Variants in NGRN observed in about 807,000 individuals in gnomAD.
NGRN encodes the protein neugrin.
In NGRN, 12 loss-of-function variants were observed where a neutral mutation model predicts 13.1. The observed-to-expected ratio is 0.92, with a 90% CI of 0.59 to 1.49. NGRN has a LOEUF of 1.49. NGRN is among the 40% of genes most tolerant of loss of function. The pLI, the probability that NGRN is intolerant of heterozygous loss-of-function variation, is 0.00. For missense variants in NGRN, 397 were observed against 357.0 expected, an observed-to-expected ratio of 1.11 and a Z score of -0.90; for synonymous variants, 149 against 145.8, an observed-to-expected ratio of 1.02 and a Z score of -0.16.
At chr15:90,267,718 C>T (rs926608388) in intron 2 of NGRN, among the ~76,000 whole-genome samples, 1 of 152,162 alleles carries the variant, frequency 6.6e-6, no homozygotes, top group African/African-American at 2.4e-5. Context: ...ACTAATAGTG[C>T]CCCAGTGAAT....
intron 2 of NGRN, among the ~76,000 whole-genome samples, chr15:90,270,299 T>G (rs886833516): frequency 1.3e-5 from 2 of 152,230 alleles, no homozygotes; most frequent in African/African-American, 2.4e-5. Context: ...GTGATCTACT[T>G]CTTACCCTCA....
In NGRN at chr15:90,271,919, G is replaced by A. The variant is rs1963511870; in HGVS notation, c.*131G>A. On this transcript the variant is annotated 3_prime_UTR_variant, in exon 3 of 3. Coordinates refer to ENST00000379095, the MANE Select transcript of NGRN (RefSeq NM_001033088.3). ...GGAAGAGGTGTTGAGCCTGGACTGT[G>A]GGAGGAAAGAGCTGCGTGGATAGAT... 2.3e-6 allele frequency: 3 copies of A among 1,297,382 alleles called. No individual in the cohort carries two copies. Among genetic ancestry groups the A allele is most frequent in the Non-Finnish European group, 2.1e-6 (2 of 949,638 alleles). 80.4% of individuals were successfully genotyped at this position (1,297,382 alleles called of 1,614,324 possible).
chr15:90,271,998 C>CA lies in NGRN; in HGVS notation c.*211dup. 1.7e-6 allele frequency: 1 copy of CA among 595,904 alleles called. No individual in the cohort carries two copies. The highest frequency in any genetic ancestry group is 2.4e-5 in the South Asian group (1 of 42,148). The allele number at this position is 595,904 out of a possible 1,614,324, so 36.9% of individuals were successfully genotyped here. ...CTGACCTCTGTAGACCTTCAGTACT[C>CA]ACTCTTCTTGCTTAGGCTCTCTGTG... On this transcript the variant is annotated 3_prime_UTR_variant, in exon 3 of 3. Coordinates refer to ENST00000379095, the MANE Select transcript of NGRN (RefSeq NM_001033088.3).
chr15:90,269,232 C>G (rs1318732312), intron 2 of NGRN, among the ~76,000 whole-genome samples: 2 of 127,892 alleles, frequency 1.6e-5, no homozygotes, highest in East Asian at 2.3e-4. Flanking sequence ...CCAGGCTGGT[C>G]TTGAACTCCT....
chr15:90,268,633 G>A (rs1406219318), intron 2 of NGRN, among the ~76,000 whole-genome samples: 2 of 152,002 alleles, frequency 1.3e-5, no homozygotes, highest in African/African-American at 4.8e-5. Flanking sequence ...TTCCCAGGGT[G>A]CCTACCCTTT....
At chr15:90,266,725 G>C (rs1016041173) in intron 2 of NGRN, among the ~76,000 whole-genome samples, 1 of 151,744 alleles carries the variant, frequency 6.6e-6, no homozygotes, top group Non-Finnish European at 1.5e-5. Flanking sequence ...GGTTTTAATA[G>C]TTTTTAACGT....
Position 90,271,801 on chromosome 15 carries a change from C to G in NGRN, c.*13C>G, listed in dbSNP as rs754090370. The stretch of plus-strand genomic sequence containing the variant: ...GTACAGAATTTGAGTCGGGGCTTGG[C>G]TTATGGAGATGCCTCGTGAAACACA... On this transcript the variant is annotated 3_prime_UTR_variant, in exon 3 of 3. Coordinates refer to ENST00000379095, the MANE Select transcript of NGRN (RefSeq NM_001033088.3). 3 of 1,610,604 alleles carry G rather than the reference C, an allele frequency of 1.9e-6. No individual in the cohort carries two copies. The highest frequency in any genetic ancestry group is 1.7e-6 in the Non-Finnish European group (2 of 1,177,518).
chr15:90,267,775 A>G (rs1341597533), intron 2 of NGRN, among the ~76,000 whole-genome samples: 1 of 152,228 alleles, frequency 6.6e-6, no homozygotes, highest in Non-Finnish European at 1.5e-5. Flanking sequence ...AATATTTGTT[A>G]TATACATTCC....
chr15:90,272,024 T>C lies in NGRN; in HGVS notation c.*236T>C. On this transcript the variant is annotated 3_prime_UTR_variant, in exon 3 of 3. Coordinates refer to ENST00000379095, the MANE Select transcript of NGRN (RefSeq NM_001033088.3). Reference sequence around the variant, plus strand: ...ACTCTTCTTGCTTAGGCTCTCTGTGTGTTGAAAGCCATCCCGTGTTGCATG... The same window carrying C: ...ACTCTTCTTGCTTAGGCTCTCTGTGCGTTGAAAGCCATCCCGTGTTGCATG... 4 of 519,934 alleles carry C rather than the reference T, an allele frequency of 7.7e-6. No homozygotes were observed. The allele number at this position is 519,934 out of a possible 1,614,324, so 32.2% of individuals were successfully genotyped here. A position where few individuals can be genotyped will look rare whatever the true frequency, so the allele number is the denominator to read the frequency against.
chr15:90,266,140 T>A, intron 1 of NGRN, 148 bp from the exon 2 acceptor site: 1 of 1,453,924 alleles, frequency 6.9e-7, no homozygotes, highest in Admixed American at 2.8e-5. Flanking sequence ...TTTCTGGGTG[T>A]ACGGAGCAGC....
chr15:90,266,866 A>T (rs935393795), intron 2 of NGRN, among the ~76,000 whole-genome samples: 1 of 152,188 alleles, frequency 6.6e-6, no homozygotes, highest in African/African-American at 2.4e-5. Context: ...TTCCATAGGT[A>T]GGTGCATTTT....
intron 2 of NGRN, among the ~76,000 whole-genome samples, chr15:90,267,377 C>A (rs185180675): frequency 6.6e-6 from 1 of 152,122 alleles, no homozygotes; most frequent in East Asian, 1.9e-4. Context: ...AGGCTCTGTG[C>A]CCTGAGTGAG....
chr15:90,268,496 G>A (rs1429367777), intron 2 of NGRN, among the ~76,000 whole-genome samples: 1 of 151,840 alleles, frequency 6.6e-6, no homozygotes, highest in African/African-American at 2.4e-5. Flanking sequence ...CAGAGGAAAT[G>A]GGAGCCCTTC....
chr15:90,271,403 C>T lies in NGRN; in HGVS notation c.491C>T (p.Pro164Leu), dbSNP rs1596202607. 6.2e-7 allele frequency: 1 copy of T among 1,613,930 alleles called. No individual in the cohort carries two copies. Among genetic ancestry groups the T allele is most frequent in the Non-Finnish European group, 8.5e-7 (1 of 1,179,998 alleles). The change falls in exon 3 of 3, where the codon CCT becomes CTT. Residue 164 changes from proline (P) to leucine (L), a missense_variant. Physicochemically the swap from Pro to Leu is moderately conservative, Grantham distance 98. Transcript: ENST00000379095. ...TCTGGAAATACCTCAAAGCTGCTCC[C>T]TGCAGGCCACTCTGTATCAGGCTCT... is the stretch of plus-strand genomic sequence containing the variant. ...RGSGNTSKLLPAGHSVSGSLL... is the reference protein window; with the variant it reads ...RGSGNTSKLLLAGHSVSGSLL...
At chr15:90,268,020 G>A (rs1000696502) in intron 2 of NGRN, among the ~76,000 whole-genome samples, 2 of 151,876 alleles carry the variant, frequency 1.3e-5, no homozygotes, top group Admixed American at 1.3e-4. Context: ...TTTGTTTTTT[G>A]TTTGAGGCAG....
At chr15:90,267,207 A>T (rs1963438741) in intron 2 of NGRN, among the ~76,000 whole-genome samples, 1 of 151,354 alleles carries the variant, frequency 6.6e-6, no homozygotes, top group Non-Finnish European at 1.5e-5. Context: ...AATTTTGTTT[A>T]TTTTTTGTAG....
At position 90,271,263 on chromosome 15, in the gene NGRN, G is replaced by A. The variant is rs1963497906; in HGVS notation, c.351G>A (p.Val117=). 3 of 1,614,146 alleles carry A rather than the reference G, an allele frequency of 1.9e-6. No individual in the cohort carries two copies. Among genetic ancestry groups the A allele is most frequent in the Non-Finnish European group, 2.5e-6 (3 of 1,180,054 alleles). The change falls in exon 3 of 3, where the codon GTG becomes GTA. Residue 117 remains valine (V), a synonymous_variant. Transcript: ENST00000379095. ...AAGGCTTTGATGTCAGCACTGATGT[G>A]ATCCGAAGAGTTTTAAAAAGCAAGT... The part of the protein sequence containing the change: ...LAEGFDVSTD[V]IRRVLKSKFL...
intron 2 of NGRN, among the ~76,000 whole-genome samples, chr15:90,269,019 C>T (rs1260485099): frequency 7.1e-5 from 7 of 98,188 alleles, no homozygotes; most frequent in East Asian, 3.3e-4. Context: ...TTTTTTGAGA[C>T]GGAGTCTCAT....
At chr15:90,265,966 C>G (rs997703873) in intron 1 of NGRN, 90 bp downstream of exon 1, 3 of 1,421,360 alleles carry the variant, frequency 2.1e-6, no homozygotes, top group South Asian at 1.5e-5. Context: ...GGTGTCCTGC[C>G]GCTGCTTGCG....
Sources: gnomAD v4.1 joint callset for allele counts (sites outside exome capture counted in the v4.1 genomes callset) on GRCh38, gnomAD v4.1.1 for gene constraint, MANE v1.5 for transcripts, NCBI Gene and HGNC (gene_info 2026-07-23, HGNC 2026-07-21) for gene names.